Variants in PEX13 observed in about 807,000 individuals in gnomAD.
PEX13 encodes the protein peroxisome biogenesis factor 13.
In PEX13, 28 loss-of-function variants were observed where a neutral mutation model predicts 34.5. The ratio of observed to expected loss-of-function variants is 0.81; its 90% CI spans 0.60 to 1.11. The LOEUF (loss-of-function observed/expected upper bound fraction) is 1.11. PEX13 is among the 50% of genes most tolerant of loss of function. The probability of loss-of-function intolerance (pLI) is 0.00; values close to 1 mark genes in which losing one functional copy is unlikely to be tolerated. For synonymous variants in PEX13, 177 were observed against 175.1 expected, an observed-to-expected ratio of 1.01 and a Z score of -0.09; for missense variants, 550 against 491.0, an observed-to-expected ratio of 1.12 and a Z score of -1.13.
At chr2:61,040,821 T>TAA (rs946627094) in intron 2 of PEX13, among the ~76,000 whole-genome samples, 15 of 147,832 alleles carry the variant, frequency 1.0e-4, no homozygotes, top group African/African-American at 3.2e-4. Context: ...TGTATATATA[T>TAA]AATATATGTG....
chr2:61,030,589 C>T (rs1297697507), intron 1 of PEX13, among the ~76,000 whole-genome samples: 1 of 152,178 alleles, frequency 6.6e-6, no homozygotes, highest in Non-Finnish European at 1.5e-5. Context: ...AAGCTTCATT[C>T]AGGCATGGGC....
At chr2:61,029,179 A>C (rs985146535) in intron 1 of PEX13, among the ~76,000 whole-genome samples, 4 of 152,154 alleles carry the variant, frequency 2.6e-5, no homozygotes, top group Non-Finnish European at 5.9e-5. Context: ...AAAGTGGGCA[A>C]AGTATCTGAA....
intron 1 of PEX13, chr2:61,019,094 T>C (rs1324440484): frequency 3.3e-5 from 5 of 152,290 alleles, no homozygotes; most frequent in Non-Finnish European, 5.9e-5. Flanking sequence ...GTGGTGACTA[T>C]TGTCCTTATT....
rs1680696940 is a variant in PEX13 at position 61,045,820 on chromosome 2, G to T, written c.882G>T (p.Arg294=). The T allele has an allele frequency of 6.2e-7, 1 of 1,613,234 alleles. No individual in the cohort carries two copies. Among genetic ancestry groups the T allele is most frequent in the South Asian group, 1.1e-5 (1 of 91,050 alleles). Reference sequence around the variant, plus strand: ...TATCTGAAGAAGAAATTTCTTTCCGGGCTGGTGATATGCTGAACTTAGCTC... The same window carrying T: ...TATCTGAAGAAGAAATTTCTTTCCGTGCTGGTGATATGCTGAACTTAGCTC... The part of the protein sequence containing the change: ...AAVSEEEISF[R]AGDMLNLALK... Residue 294 remains arginine, a synonymous_variant, in exon 3 of 4, where the codon CGG becomes CGT. Transcript: ENST00000295030.
In PEX13 at chr2:61,031,469, T is replaced by G; in HGVS notation, c.143T>G (p.Leu48Arg). The G allele has an allele frequency of 1.9e-6, 3 of 1,614,210 alleles. No homozygotes were observed. The highest frequency in any genetic ancestry group is 2.5e-6 in the Non-Finnish European group (3 of 1,180,034). ...TLMTRPGQPA[L>R]TRVPPPILPR... Reference sequence around the variant, plus strand: ...ATGACAAGACCTGGACAACCAGCACTTACCAGAGTGCCCCCACCTATTCTT... The same window carrying G: ...ATGACAAGACCTGGACAACCAGCACGTACCAGAGTGCCCCCACCTATTCTT... Residue 48 changes from leucine to arginine, a missense_variant, in exon 2 of 4, where the codon CTT (leucine) becomes CGT (arginine). Transcript: ENST00000295030.
intron 1 of PEX13, among the ~76,000 whole-genome samples, chr2:61,021,598 C>T (rs1416779483): frequency 6.6e-6 from 1 of 152,226 alleles, no homozygotes; most frequent in African/African-American, 2.4e-5. Context: ...CAGGGCATAG[C>T]TGAGCAAAAG....
intron 3 of PEX13, among the ~76,000 whole-genome samples, chr2:61,046,226 A>G (rs563433858): frequency 6.6e-6 from 1 of 152,346 alleles, no homozygotes; most frequent in South Asian, 2.1e-4. Context: ...GTCCTTGTGG[A>G]CTGGTGTTGC....
intron 2 of PEX13, among the ~76,000 whole-genome samples, chr2:61,041,564 G>A (rs1680626629): frequency 6.6e-6 from 1 of 152,192 alleles, no homozygotes; most frequent in Admixed American, 6.6e-5. Flanking sequence ...GCTCCAGCAA[G>A]TAGTTTTGGT....
chr2:61,025,595 G>T (rs147086616), intron 1 of PEX13, among the ~76,000 whole-genome samples: 28 of 152,234 alleles, frequency 1.8e-4, no homozygotes, highest in African/African-American at 6.7e-4. Context: ...TTGGATTCAA[G>T]TGACCCACCT....
chr2:61,043,169 T>G (rs1044618780), intron 2 of PEX13, among the ~76,000 whole-genome samples: 13 of 152,010 alleles, frequency 8.6e-5, no homozygotes, highest in African/African-American at 2.9e-4. Flanking sequence ...TGTTTACAAA[T>G]TACCCAGTCT....
chr2:61,030,779 CAA>C (rs1244549791), intron 1 of PEX13, among the ~76,000 whole-genome samples: 1 of 151,688 alleles, frequency 6.6e-6, no homozygotes, highest in Non-Finnish European at 1.5e-5. Flanking sequence ...TCTTAAATAA[CAA>C]GAATTAACTA....
intron 1 of PEX13, chr2:61,018,358 C>T (rs1459664594): frequency 2.0e-6 from 3 of 1,496,530 alleles, no homozygotes; most frequent in Non-Finnish European, 2.7e-6. Flanking sequence ...CAGCATAACT[C>T]AGCCAGTGTT....
Position 61,031,625 on chromosome 2 carries a change from A to G in PEX13, c.299A>G (p.Tyr100Cys). 6.2e-7 allele frequency: 1 copy of G among 1,614,178 alleles called. No homozygotes were observed. Reference protein sequence around the residue: ...YGGYSPYSYGYNGLGYNRLRV... With the variant: ...YGGYSPYSYGCNGLGYNRLRV... ...GGCTATAGTCCTTATAGTTATGGAT[A>G]TAATGGGCTGGGCTACAACCGCCTC... The change falls in exon 2 of 4, where the codon TAT (tyrosine) becomes TGT (cysteine). Residue 100 changes from tyrosine to cysteine, a missense_variant. Physicochemically the swap from Tyr to Cys is radical, Grantham distance 194. Transcript: ENST00000295030.
chr2:61,029,752 C>T (rs951195235), intron 1 of PEX13, among the ~76,000 whole-genome samples: 3 of 150,914 alleles, frequency 2.0e-5, no homozygotes, highest in African/African-American at 4.9e-5. Flanking sequence ...TTGGAGGCTG[C>T]GGTGAGCTAT....
intron 2 of PEX13, among the ~76,000 whole-genome samples, chr2:61,043,592 A>C (rs548125595): frequency 1.3e-5 from 2 of 152,350 alleles, no homozygotes; most frequent in East Asian, 3.9e-4. Context: ...CAAAAGTTAC[A>C]AAGGTTTTGA....
rs1383535896 is a variant in PEX13 at position 61,051,183 on chromosome 2, T to C, written c.*2413T>C. 1.3e-5 allele frequency: 2 copies of C among 152,296 alleles called. No individual in the cohort carries two copies. Among genetic ancestry groups the C allele is most frequent in the Non-Finnish European group, 2.9e-5 (2 of 68,048 alleles). The allele number at this position is 152,296 out of a possible 1,614,324, so 9.4% of individuals were successfully genotyped here. A position where few individuals can be genotyped will look rare whatever the true frequency, so the allele number is the denominator to read the frequency against. On this transcript the variant is annotated 3_prime_UTR_variant, in exon 4 of 4. Transcript: ENST00000295030. Reference sequence around the variant, plus strand: ...CAACACCCAGGTATTAGCCTTGAAGTTGAAGAGATAAGGTTTCTTGTATAT... The same window carrying C: ...CAACACCCAGGTATTAGCCTTGAAGCTGAAGAGATAAGGTTTCTTGTATAT...
Position 61,037,370 on chromosome 2 carries a change from G to A in PEX13, c.787+5257G>A, listed in dbSNP as rs970144470. ...TCTAAAATTGACCACACAATTGGAA[G>A]TAAAACACTCCTCAGCAAATGTAAA... is the stretch of plus-strand genomic sequence containing the variant. On this transcript the variant is annotated intron_variant, in intron 2 of 3. Transcript: ENST00000295030. Among the ~76,000 whole-genome samples the A allele has an allele frequency of 6.6e-5, 10 of 152,154 alleles. No homozygotes were observed. The South Asian group carries it at 8.3e-4, about 13-fold the overall frequency.
intron 1 of PEX13, among the ~76,000 whole-genome samples, chr2:61,024,840 T>C (rs1447164141): frequency 1.1e-4 from 16 of 152,022 alleles, no homozygotes; most frequent in African/African-American, 2.4e-5. Flanking sequence ...AAAACAGTCA[T>C]TGAGTTCATA....
intron 2 of PEX13, among the ~76,000 whole-genome samples, chr2:61,042,182 A>G (rs1680636023): frequency 1.3e-5 from 2 of 152,344 alleles, no homozygotes; most frequent in Middle Eastern, 3.4e-3. Context: ...TTTCATTAAT[A>G]AAGTTGTATT....
Sources: gnomAD v4.1 joint callset for allele counts (sites outside exome capture counted in the v4.1 genomes callset) on GRCh38, gnomAD v4.1.1 for gene constraint, MANE v1.5 for transcripts, NCBI Gene and HGNC (gene_info 2026-07-23, HGNC 2026-07-21) for gene names.